The following FAM219B variants were observed in gnomAD, a reference collection of about 807,000 sequenced individuals.
FAM219B encodes protein FAM219B.
A neutral mutation model predicts 19.9 loss-of-function variants in FAM219B; 18 were observed. That is an observed-to-expected ratio of 0.91 (90% CI 0.63 to 1.34). FAM219B has a LOEUF of 1.34. Ranked by LOEUF, FAM219B falls within the 40% of genes most tolerant of loss-of-function variation. The pLI, the probability that FAM219B is intolerant of heterozygous loss-of-function variation, is 0.00. For missense variants in FAM219B, 283 were observed against 270.5 expected, an observed-to-expected ratio of 1.05 and a Z score of -0.32; for synonymous variants, 123 against 117.5, an observed-to-expected ratio of 1.05 and a Z score of -0.30.
intron 2 of FAM219B, chr15:74,905,693 G>A (rs769929547): frequency 5.7e-5 from 11 of 192,362 alleles, no homozygotes; most frequent in Non-Finnish European, 1.2e-4. Context: ...AATTACAGTC[G>A]TGAGCCACCA....
In FAM219B at chr15:74,900,793, T is replaced by TA. The variant is rs2064923003; in HGVS notation, c.*1825_*1826insT. The TA allele has an allele frequency of 6.6e-6, 1 of 152,292 alleles. No homozygotes were observed. The highest frequency in any genetic ancestry group is 2.1e-4 in the South Asian group (1 of 4,836). The allele number at this position is 152,292 out of a possible 1,614,324, so 9.4% of individuals were successfully genotyped here. A position where few individuals can be genotyped will look rare whatever the true frequency, so the allele number is the denominator to read the frequency against. ...CCAAGACCCCAAGCTGGCATGACTC[T>TA]GGTCTCTGTCCTATCTCTCTGCTGT... On this transcript the variant is annotated 3_prime_UTR_variant, in exon 5 of 5. Coordinates refer to ENST00000357635, the MANE Select transcript of FAM219B (RefSeq NM_020447.5).
chr15:74,904,665 T>A lies in FAM219B; in HGVS notation c.428A>T (p.Glu143Val), dbSNP rs1221637016. ...CACAGAAAGGTGTTCTGGACTTGCCTCTGCAGATGAATACCCGGAGGAGTA... is the reference window on the plus strand; with the variant it reads ...CACAGAAAGGTGTTCTGGACTTGCCACTGCAGATGAATACCCGGAGGAGTA... Reference protein sequence around the residue: ...SRYSSGYSSAEQVNQDVSRQL... With the variant: ...SRYSSGYSSAVQVNQDVSRQL... The change falls in exon 4 of 5, where the codon GAG (glutamate) becomes GTG (valine). Residue 143 changes from glutamate to valine, a missense_variant and splice_region_variant. Coordinates refer to ENST00000357635, the MANE Select transcript of FAM219B (RefSeq NM_020447.5). 4.3e-6 allele frequency: 7 copies of A among 1,614,072 alleles called. No homozygotes were observed. The Admixed American group carries it at 1.2e-4, about 27-fold the overall frequency.
At chr15:74,904,568 A>AGTGCT in intron 4 of FAM219B, 96 bp downstream of exon 4, 1 of 1,407,484 alleles carries the variant, frequency 7.1e-7, no homozygotes, top group Non-Finnish European at 1.0e-6. Flanking sequence ...AGTCTGGCAC[A>AGTGCT]GTGCTGTGCT....
chr15:74,905,205 G>A lies in FAM219B; in HGVS notation c.329C>T (p.Thr110Ile). Reference sequence around the variant, plus strand: ...TTCATCTGGACTCTGGCTAAGAGCAGTATAGCCCTTGTTAAACTTCACTGA... The same window carrying A: ...TTCATCTGGACTCTGGCTAAGAGCAATATAGCCCTTGTTAAACTTCACTGA... ...KRSVKFNKGY[T>I]ALSQSPDENL... The change falls in exon 3 of 5, where the codon ACT becomes ATT. Residue 110 changes from threonine to isoleucine, a missense_variant. Coordinates refer to ENST00000357635, the MANE Select transcript of FAM219B (RefSeq NM_020447.5). 3 of 1,614,084 alleles carry A rather than the reference G, an allele frequency of 1.9e-6. No individual in the cohort carries two copies. The highest frequency in any genetic ancestry group is 2.5e-6 in the Non-Finnish European group (3 of 1,179,956).
At chr15:74,906,483 C>T (rs1391479077) in intron 1 of FAM219B, 104 bp downstream of exon 1, 1 of 1,511,308 alleles carries the variant, frequency 6.6e-7, no homozygotes, top group South Asian at 1.2e-5. Flanking sequence ...TGCAGCTAAC[C>T]CCTTCCCTCC....
intron 2 of FAM219B, 125 bp from the exon 3 acceptor site, chr15:74,905,356 G>C: frequency 2.4e-6 from 2 of 849,554 alleles, no homozygotes; most frequent in East Asian, 2.7e-5. Context: ...CTTCTCCCTG[G>C]TCACAGCCAC....
chr15:74,904,743 G>C lies in FAM219B; in HGVS notation c.381-31C>G, dbSNP rs118007749. ...AGAAGAGGAAAACAGTCAGTTCCGG[G>C]AGGTACCTGTGGTGCACAGCTGTAA... On this transcript the variant is annotated intron_variant, in intron 3 of 4. Coordinates refer to ENST00000357635, the MANE Select transcript of FAM219B (RefSeq NM_020447.5). 2,237 of 1,614,006 alleles carry C rather than the reference G, an allele frequency of 1.4e-3. 54 individuals carry two copies. In the East Asian group the frequency reaches 0.044, roughly 32 times the overall value.
chr15:74,906,137 C>T, intron 2 of FAM219B, 141 bp downstream of exon 2: 1 of 795,312 alleles, frequency 1.3e-6, no homozygotes, highest in Non-Finnish European at 2.0e-6. Flanking sequence ...GTTCCTCTTC[C>T]CATTTTAAAG....
chr15:74,905,496 T>A, intron 2 of FAM219B: 1 of 354,596 alleles, frequency 2.8e-6, no homozygotes, highest in Non-Finnish European at 5.5e-6. Context: ...CGATCTCGGC[T>A]CACTGCAATC....
chr15:74,906,472 C>A lies in FAM219B; in HGVS notation c.215-107G>T, dbSNP rs1851837255. ...ACGGATTTTGAGGGGCGAGAGCAGG[C>A]TGCAGCTAACCCCTTCCCTCCGGGG... On this transcript the variant is annotated intron_variant, in intron 1 of 4. Transcript: ENST00000357635. The A allele has an allele frequency of 3.9e-6, 6 of 1,529,766 alleles. No individual in the cohort carries two copies. The South Asian group carries it at 7.2e-5, about 18-fold the overall frequency. The allele number at this position is 1,529,766 out of a possible 1,614,324, so 94.8% of individuals were successfully genotyped here. A position where few individuals can be genotyped will look rare whatever the true frequency, so the allele number is the denominator to read the frequency against.
chr15:74,903,054 C>T (rs746293779), intron 4 of FAM219B, among the ~76,000 whole-genome samples: 1 of 152,136 alleles, frequency 6.6e-6, no homozygotes, highest in African/African-American at 2.4e-5. Context: ...ATGTAAATAT[C>T]GAGTTCCCAA....
rs772517452 is a variant in FAM219B, at chr15:74,906,736, C to T, written c.65G>A (p.Gly22Glu). The change falls in exon 1 of 5, where the codon GGG becomes GAG. Residue 22 changes from glycine to glutamate, a missense_variant. Physicochemically the swap from Gly to Glu is moderately conservative, Grantham distance 98. Coordinates refer to ENST00000357635, the MANE Select transcript of FAM219B (RefSeq NM_020447.5). ...RLSTPGPRPSGARDRAPGAAG... is the reference protein window; with the variant it reads ...RLSTPGPRPSEARDRAPGAAG... ...AGCTCCCGGCGCGCGGTCCCGAGCCCCGCTGGGCCGGGGTCCCGGGGTAGA... is the reference window on the plus strand; with the variant it reads ...AGCTCCCGGCGCGCGGTCCCGAGCCTCGCTGGGCCGGGGTCCCGGGGTAGA... 3.0e-6 allele frequency: 4 copies of T among 1,350,386 alleles called. No homozygotes were observed. The highest frequency in any genetic ancestry group is 4.1e-5 in the South Asian group (2 of 49,322). The allele number at this position is 1,350,386 out of a possible 1,614,324, so 83.7% of individuals were successfully genotyped here.
chr15:74,906,214 C>G (rs1433012146), intron 2 of FAM219B, 64 bp downstream of exon 2: 4 of 1,558,224 alleles, frequency 2.6e-6, no homozygotes, highest in East Asian at 2.3e-5. Context: ...CACCCTGCCT[C>G]CGTCCTGGGG....
chr15:74,903,600 C>CAAAAAAAAAAAAAAAAAAAAAAAA (rs60354993), intron 4 of FAM219B, among the ~76,000 whole-genome samples: 1 of 46,138 alleles, frequency 2.2e-5, no homozygotes, highest in Non-Finnish European at 4.6e-5. Context: ...GACTCTGTCT[C>CAAAAAAAAAAAAAAAAAAAAAAAA]AAAAAAAAAA....
chr15:74,903,245 C>CAG lies in FAM219B; in HGVS notation c.430-460_430-459insCT, dbSNP rs1348110916. ...TGCTGGTTAGACTTATCCTTTGATG[C>CAG]CAACAGAGGTGGGTTCCTGCAAAGT... On this transcript the variant is annotated intron_variant, in intron 4 of 4. Coordinates refer to ENST00000357635, the MANE Select transcript of FAM219B (RefSeq NM_020447.5). Among the ~76,000 whole-genome samples the CAG allele has an allele frequency of 2.6e-5, 4 of 152,090 alleles. No homozygotes were observed. The East Asian group carries it at 7.7e-4, about 29-fold the overall frequency.
intron 2 of FAM219B, chr15:74,905,914 C>G (rs1002427854): frequency 9.9e-6 from 2 of 201,750 alleles, no homozygotes; most frequent in African/African-American, 4.7e-5. Context: ...CTATGCAGCT[C>G]CGAGTTTACT....
In FAM219B at chr15:74,906,809, C is replaced by A. The variant is rs1021504910; in HGVS notation, c.-9G>T. 3 of 1,277,312 alleles carry A rather than the reference C, an allele frequency of 2.3e-6. No homozygotes were observed. In the African/African-American group the frequency reaches 4.7e-5, roughly 20 times the overall value. The allele number at this position is 1,277,312 out of a possible 1,614,324, so 79.1% of individuals were successfully genotyped here. A position where few individuals can be genotyped will look rare whatever the true frequency, so the allele number is the denominator to read the frequency against. ...GGCTCCGCGGTCGCCATGGCCGGGC[C>A]CCGCCCTGCCGGATGGTGCAACCCC... On this transcript the variant is annotated 5_prime_UTR_variant, in exon 1 of 5. Coordinates refer to ENST00000357635, the MANE Select transcript of FAM219B (RefSeq NM_020447.5).
At position 74,906,842 on chromosome 15, in the gene FAM219B, G is replaced by GC. The variant is rs2065224029; in HGVS notation, c.-43dup. The GC allele has an allele frequency of 1.6e-6, 2 of 1,236,946 alleles. No homozygotes were observed. Among genetic ancestry groups the GC allele is most frequent in the East Asian group, 6.3e-5 (2 of 31,506 alleles). 76.6% of individuals were successfully genotyped at this position (1,236,946 alleles called of 1,614,324 possible). A position where few individuals can be genotyped will look rare whatever the true frequency, so the allele number is the denominator to read the frequency against. Reference sequence around the variant, plus strand: ...GCCGGATGGTGCAACCCCGCCCGTGGCGAAAGAGTGACCGGCCGAGGGAGA... The same window carrying GC: ...GCCGGATGGTGCAACCCCGCCCGTGGCCGAAAGAGTGACCGGCCGAGGGAGA... On this transcript the variant is annotated 5_prime_UTR_variant, in exon 1 of 5. Coordinates refer to ENST00000357635, the MANE Select transcript of FAM219B (RefSeq NM_020447.5).
At position 74,902,672 on chromosome 15, in the gene FAM219B, A is replaced by C; in HGVS notation, c.544T>G (p.Cys182Gly). The change falls in exon 5 of 5, where the codon TGC becomes GGC. Residue 182 changes from cysteine to glycine, a missense_variant. Physicochemically the swap from Cys to Gly is radical, Grantham distance 159. Transcript: ENST00000357635. Reference sequence around the variant, plus strand: ...CCAAGACAGCACCAGCAGCAGGAGCATGTTGAAGAGGCCATGGGCTTAGGG... The same window carrying C: ...CCAAGACAGCACCAGCAGCAGGAGCCTGTTGAAGAGGCCATGGGCTTAGGG... ...IPPKPMASSTCSCCWCCLGDS... is the reference protein window; with the variant it reads ...IPPKPMASSTGSCCWCCLGDS... 1 of 1,613,346 alleles carries C rather than the reference A, an allele frequency of 6.2e-7. No homozygotes were observed. The highest frequency in any genetic ancestry group is 8.5e-7 in the Non-Finnish European group (1 of 1,179,608).
Sources: allele counts gnomAD v4.1 joint callset (sites outside exome capture counted in the v4.1 genomes callset), GRCh38; gene constraint gnomAD v4.1.1; transcripts MANE v1.5; gene names NCBI Gene and HGNC (gene_info 2026-07-23, HGNC 2026-07-21).